Variants in DENND5A observed in about 807,000 individuals in gnomAD.
DENND5A encodes DENN domain containing 5A.
DENND5A carries 64 observed loss-of-function variants against 140.3 expected under a neutral mutation model. That is an observed-to-expected ratio of 0.46 (90% CI 0.37 to 0.56). DENND5A has a LOEUF of 0.56. Among genes scored for constraint, DENND5A ranks in the 20% least tolerant of loss-of-function variants. DENND5A has a pLI of 0.00. For synonymous variants in DENND5A, 605 were observed against 607.7 expected, an observed-to-expected ratio of 1.00 and a Z score of 0.07; for missense variants, 1,292 against 1,593.8, an observed-to-expected ratio of 0.81 and a Z score of 3.22.
rs375955901 is a variant in DENND5A, at chr11:9,206,711, C to T, written c.253G>A (p.Val85Ile). 2.5e-5 allele frequency: 41 copies of T among 1,613,664 alleles called. No homozygotes were observed. The highest frequency in any genetic ancestry group is 3.3e-5 in the South Asian group (3 of 91,076). ...SKVLARYPEN[V>I]EWNPFDQDAV... The stretch of plus-strand genomic sequence containing the variant: ...TCTTGGTCAAAGGGATTCCATTCTA[C>T]GTTCTCAGGATATCGTGCAAGGACC... Residue 85 changes from valine (V) to isoleucine (I), a missense_variant, in exon 3 of 23, where the codon GTA (valine) becomes ATA (isoleucine). By Grantham distance (29) the Val-to-Ile change is conservative. This residue lies in a region of DENND5A where 566 missense variants were observed against 650.4 expected (regional missense o/e 0.87). Transcript: ENST00000328194.
chr11:9,254,174 A>C (rs895106454), intron 1 of DENND5A, among the ~76,000 whole-genome samples: 1 of 151,116 alleles, frequency 6.6e-6, no homozygotes, highest in Non-Finnish European at 1.5e-5. Context: ...AAAAAAAAAA[A>C]AAAAAGCCAG....
intron 1 of DENND5A, among the ~76,000 whole-genome samples, chr11:9,215,553 T>C (rs1019954661): frequency 1.3e-5 from 2 of 150,566 alleles, no homozygotes; most frequent in Non-Finnish European, 3.0e-5. Context: ...CTGTGTTCTT[T>C]TTTTTTTTTT....
chr11:9,253,516 AC>A (rs1231155575), intron 1 of DENND5A, among the ~76,000 whole-genome samples: 67 of 152,014 alleles, frequency 4.4e-4, no homozygotes, highest in African/African-American at 7.2e-5. Flanking sequence ...TAATCCCAGC[AC>A]TTTGGGAGGC....
At chr11:9,160,677 A>G (rs781696922) in intron 12 of DENND5A, 36 bp downstream of exon 12, 2 of 1,579,078 alleles carry the variant, frequency 1.3e-6, no homozygotes, top group South Asian at 1.1e-5. Context: ...ACAGGAAGAC[A>G]ATTTGCTCAG....
chr11:9,161,789 C>T (rs746518176), intron 11 of DENND5A, among the ~76,000 whole-genome samples: 8 of 151,868 alleles, frequency 5.3e-5, no homozygotes, highest in Non-Finnish European at 1.0e-4. Flanking sequence ...TTTACCAATA[C>T]GGAAATTGAG....
chr11:9,175,715 G>C (rs1345665807), intron 8 of DENND5A: 1 of 151,868 alleles, frequency 6.6e-6, no homozygotes, highest in African/African-American at 2.4e-5. Context: ...TTTGACAAAA[G>C]CAAAAAGGCA....
At chr11:9,174,326 T>G (rs987671897) in intron 8 of DENND5A, among the ~76,000 whole-genome samples, 2 of 151,450 alleles carry the variant, frequency 1.3e-5, no homozygotes, top group Admixed American at 6.6e-5. Context: ...TGGATAAAAA[T>G]GCAAAACCCA....
rs775246567 is a variant in DENND5A at position 9,264,944 on chromosome 11, G to A, written c.109+17C>T. On this transcript the variant is annotated intron_variant, in intron 1 of 22. Coordinates refer to ENST00000328194, the MANE Select transcript of DENND5A (RefSeq NM_015213.4). ...CAGCGGGCGCGGGAAAGCGCCCCGG[G>A]CTCGGCGCGCACTCACCCGACAGCT... 2 of 1,540,466 alleles carry A rather than the reference G, an allele frequency of 1.3e-6. No individual in the cohort carries two copies. The highest frequency in any genetic ancestry group is 1.8e-6 in the Non-Finnish European group (2 of 1,142,046).
intron 1 of DENND5A, among the ~76,000 whole-genome samples, chr11:9,225,394 T>G (rs1850487103): frequency 6.6e-6 from 1 of 152,228 alleles, no homozygotes; most frequent in Admixed American, 6.5e-5. Context: ...GTTCTATCCA[T>G]GTACTCACCT....
intron 9 of DENND5A, 33 bp from the exon 10 acceptor site, chr11:9,169,982 T>G (rs767871473): frequency 1.2e-5 from 18 of 1,459,972 alleles, no homozygotes; most frequent in Non-Finnish European, 1.7e-5. Context: ...AGGCAATTAA[T>G]AATGTCTCAC....
intron 5 of DENND5A, among the ~76,000 whole-genome samples, chr11:9,182,924 T>C (rs995598300): frequency 1.3e-5 from 2 of 152,146 alleles, no homozygotes; most frequent in East Asian, 1.9e-4. Context: ...GTTACCAATA[T>C]AAATAAATAA....
chr11:9,226,090 A>G (rs906597006), intron 1 of DENND5A, among the ~76,000 whole-genome samples: 18 of 152,348 alleles, frequency 1.2e-4, no homozygotes, highest in African/African-American at 3.8e-4. Flanking sequence ...AAAAATCATC[A>G]TCATCATCAT....
rs777356025 is a variant in DENND5A at position 9,147,160 on chromosome 11, G to C, written c.2736-9C>G. 4.3e-6 allele frequency: 7 copies of C among 1,613,916 alleles called. No homozygotes were observed. The highest frequency in any genetic ancestry group is 5.9e-6 in the Non-Finnish European group (7 of 1,179,892). On this transcript the variant is annotated splice_polypyrimidine_tract_variant and intron_variant, in intron 15 of 22. Coordinates refer to ENST00000328194, the MANE Select transcript of DENND5A (RefSeq NM_015213.4). Reference sequence around the variant, plus strand: ...AGCGCTTATATAACTTTCTGTTGGAGAGGAGGTAATACATCAGTCTCCGAC... The same window carrying C: ...AGCGCTTATATAACTTTCTGTTGGACAGGAGGTAATACATCAGTCTCCGAC...
intron 1 of DENND5A, among the ~76,000 whole-genome samples, chr11:9,262,225 A>C (rs554939962): frequency 3.9e-5 from 6 of 152,116 alleles, no homozygotes; most frequent in Non-Finnish European, 8.8e-5. Context: ...CCAATCACAA[A>C]GATAGTCAAT....
At position 9,184,141 on chromosome 11, in the gene DENND5A, A is replaced by T. The variant is rs552606158; in HGVS notation, c.1138-3057T>A. ...GCCGAGGCGGGCGCATCACAAGGTC[A>T]GGAGATAGAGACCATCCTAGCCAAC... On this transcript the variant is annotated intron_variant, in intron 5 of 22. Transcript: ENST00000328194. Among the ~76,000 whole-genome samples, 3 of 152,208 alleles carry T rather than the reference A, an allele frequency of 2.0e-5. No homozygotes were observed. The East Asian group carries it at 5.8e-4, about 29-fold the overall frequency.
intron 5 of DENND5A, among the ~76,000 whole-genome samples, chr11:9,182,193 G>A (rs1276020777): frequency 6.6e-6 from 1 of 152,142 alleles, no homozygotes; most frequent in East Asian, 1.9e-4. Flanking sequence ...ATGGGCACCT[G>A]TAATCCCAGC....
chr11:9,170,419 C>T (rs146324058), intron 9 of DENND5A: 115 of 533,450 alleles, frequency 2.2e-4, no homozygotes, highest in African/African-American at 2.0e-3. Context: ...TGGAGCTATC[C>T]CAATCTGCAT....
chr11:9,264,914 G>A, intron 1 of DENND5A, 47 bp downstream of exon 1: 1 of 1,467,628 alleles, frequency 6.8e-7, no homozygotes, highest in Non-Finnish European at 9.2e-7. Context: ...TGGGGTCCCC[G>A]ACGACAGCGG....
chr11:9,198,809 G>A (rs1249287090), intron 4 of DENND5A, among the ~76,000 whole-genome samples: 1 of 151,234 alleles, frequency 6.6e-6, no homozygotes, highest in Non-Finnish European at 1.5e-5. Context: ...GGTGGCTCAT[G>A]CCTGTAATCC....
Sources: allele counts gnomAD v4.1 joint callset (sites outside exome capture counted in the v4.1 genomes callset), GRCh38; gene constraint gnomAD v4.1.1; regional missense constraint gnomAD v4.1.1; transcripts MANE v1.5; gene names NCBI Gene and HGNC (gene_info 2026-07-23, HGNC 2026-07-21).